RFX4: variants seen among roughly 807,000 people sequenced by gnomAD.
RFX4 encodes the protein regulatory factor X4.
A neutral mutation model predicts 95.0 loss-of-function variants in RFX4; 10 were observed. The observed-to-expected ratio is 0.11, with a 90% CI of 0.06 to 0.18. The LOEUF is 0.18. Among genes scored for constraint, RFX4 ranks in the 10% least tolerant of loss-of-function variants. RFX4 has a pLI of 1.00. For missense variants in RFX4, 640 were observed against 922.0 expected, an observed-to-expected ratio of 0.69 and a Z score of 3.96; for synonymous variants, 321 against 340.7, an observed-to-expected ratio of 0.94 and a Z score of 0.64.
chr12:106,671,026 G>A (rs2041270537), intron 4 of RFX4, among the ~76,000 whole-genome samples: 1 of 152,132 alleles, frequency 6.6e-6, no homozygotes. Context: ...ACAGGAACTT[G>A]TCATTGTATT....
intron 2 of RFX4, among the ~76,000 whole-genome samples, chr12:106,612,525 C>T (rs1175238486): frequency 6.6e-6 from 1 of 152,108 alleles, no homozygotes; most frequent in Non-Finnish European, 1.5e-5. Flanking sequence ...TGTGTTAAAT[C>T]TTTGGGGTTT....
At chr12:106,645,099 C>T (rs904351402) in intron 3 of RFX4, among the ~76,000 whole-genome samples, 1 of 152,084 alleles carries the variant, frequency 6.6e-6, no homozygotes, top group Non-Finnish European at 1.5e-5. Context: ...GCCAAGCAGC[C>T]TAAAATAATT....
chr12:106,705,872 A>C (rs1253609549), intron 8 of RFX4, among the ~76,000 whole-genome samples: 2 of 152,210 alleles, frequency 1.3e-5, no homozygotes, highest in African/African-American at 4.8e-5. Flanking sequence ...GCACTATGCT[A>C]GGTACTGAGG....
At chr12:106,742,169 T>TTTGTTGTTGTTGTTGTTGTTA (rs2042819031) in intron 15 of RFX4, among the ~76,000 whole-genome samples, 1 of 152,092 alleles carries the variant, frequency 6.6e-6, no homozygotes, top group Non-Finnish European at 1.5e-5. Context: ...GCTTCAGGTT[T>TTTGTTGTTGTTGTTGTTGTTA]TTGTTGTTGT....
chr12:106,737,321 C>T (rs937070891), intron 15 of RFX4, among the ~76,000 whole-genome samples: 2 of 151,362 alleles, frequency 1.3e-5, no homozygotes, highest in African/African-American at 4.9e-5. Context: ...TAAACACTTT[C>T]GGATAGGTGG....
At chr12:106,713,117 A>G (rs1279281984) in intron 10 of RFX4, among the ~76,000 whole-genome samples, 1 of 151,722 alleles carries the variant, frequency 6.6e-6, no homozygotes, top group Admixed American at 6.5e-5. Context: ...CCCAGATCAG[A>G]CAGAGGACTA....
intron 8 of RFX4, among the ~76,000 whole-genome samples, chr12:106,701,758 G>A (rs568088692): frequency 6.6e-6 from 1 of 152,160 alleles, no homozygotes; most frequent in African/African-American, 2.4e-5. Flanking sequence ...TTCTGGCTGG[G>A]TGCCGTATGG....
At chr12:106,652,614 G>A (rs370130103) in intron 3 of RFX4, among the ~76,000 whole-genome samples, 39 of 152,278 alleles carry the variant, frequency 2.6e-4, no homozygotes, top group African/African-American at 4.1e-4. Context: ...TCCCAGAAGC[G>A]CGGGAAGTAG....
intron 15 of RFX4, among the ~76,000 whole-genome samples, chr12:106,745,796 A>G (rs182812289): frequency 5.3e-5 from 8 of 152,278 alleles, no homozygotes; most frequent in African/African-American, 1.9e-4. Context: ...CTAAAGGGGG[A>G]TGTTGAATCC....
intron 4 of RFX4, among the ~76,000 whole-genome samples, chr12:106,672,957 C>A (rs989096753): frequency 2.0e-5 from 3 of 152,114 alleles, no homozygotes; most frequent in Admixed American, 1.3e-4. Flanking sequence ...ACTCCCTTTC[C>A]TCTGATTTCT....
At chr12:106,622,752 C>T (rs963815310) in intron 2 of RFX4, among the ~76,000 whole-genome samples, 3 of 151,892 alleles carry the variant, frequency 2.0e-5, no homozygotes, top group East Asian at 1.9e-4. Flanking sequence ...TCCTGAGCAG[C>T]TTGGACTACA....
chr12:106,643,470 G>A lies in RFX4; in HGVS notation c.191+4078G>A, dbSNP rs538480805. The stretch of plus-strand genomic sequence containing the variant: ...GATAGGAACAGTCATGCTTAAAACG[G>A]TGTGGAGAACATGTGACCTCCTACG... On this transcript the variant is annotated intron_variant, in intron 3 of 17. Coordinates refer to ENST00000392842, the MANE Select transcript of RFX4 (RefSeq NM_213594.3). Among the ~76,000 whole-genome samples, 35 of 152,306 alleles carry A rather than the reference G, an allele frequency of 2.3e-4. 1 individual carries two copies. Among genetic ancestry groups the A allele is most frequent in the African/African-American group, 7.7e-4 (32 of 41,564 alleles).
intron 13 of RFX4, among the ~76,000 whole-genome samples, chr12:106,721,474 C>G (rs1186905895): frequency 6.6e-6 from 1 of 152,144 alleles, no homozygotes; most frequent in Non-Finnish European, 1.5e-5. Context: ...AATCTCTGCC[C>G]AAAGGTACTG....
intron 17 of RFX4, among the ~76,000 whole-genome samples, chr12:106,752,632 A>G (rs1000858306): frequency 1.3e-5 from 2 of 151,996 alleles, no homozygotes; most frequent in African/African-American, 4.8e-5. Context: ...CATCATTTTA[A>G]CTGGCCTTGG....
chr12:106,619,346 A>C (rs2040133359), intron 2 of RFX4, among the ~76,000 whole-genome samples: 1 of 152,184 alleles, frequency 6.6e-6, no homozygotes, highest in South Asian at 2.1e-4. Flanking sequence ...TGGTGATAAA[A>C]TTCTAGGTTG....
chr12:106,671,481 T>C (rs1045239168), intron 4 of RFX4, among the ~76,000 whole-genome samples: 6 of 151,762 alleles, frequency 4.0e-5, no homozygotes, highest in African/African-American at 1.2e-4. Context: ...GGCTCTGGCA[T>C]GTGTGGGCAT....
intron 15 of RFX4, among the ~76,000 whole-genome samples, chr12:106,735,347 TAGAGAG>T (rs1337940524): frequency 6.6e-6 from 1 of 151,956 alleles, no homozygotes; most frequent in Admixed American, 6.6e-5. Context: ...AGAGAAAGAA[TAGAGAG>T]AAAGTGAAGA....
In RFX4 at chr12:106,759,858, C is replaced by A. The variant is rs373998909; in HGVS notation, c.1936-1339C>A. ...CCTATGTAGGGGGAAAAATCCCTCC[C>A]TACTCAAATTGGGATCCCTCTTTCT... On this transcript the variant is annotated intron_variant, in intron 17 of 17. Transcript: ENST00000392842. Among the ~76,000 whole-genome samples the A allele has an allele frequency of 3.3e-5, 5 of 152,116 alleles. No individual in the cohort carries two copies. The East Asian group carries it at 7.7e-4, about 23-fold the overall frequency.
chr12:106,710,108 G>A (rs138805265), intron 9 of RFX4, among the ~76,000 whole-genome samples: 53 of 152,182 alleles, frequency 3.5e-4, no homozygotes, highest in African/African-American at 1.1e-3. Flanking sequence ...CTCATGTACC[G>A]TTCGTTTGCT....
Sources: gnomAD v4.1 joint callset for allele counts (sites outside exome capture counted in the v4.1 genomes callset) on GRCh38, gnomAD v4.1.1 for gene constraint, MANE v1.5 for transcripts, NCBI Gene and HGNC (gene_info 2026-07-23, HGNC 2026-07-21) for gene names.